Variants in LGR5 observed in about 807,000 individuals in gnomAD.
The protein encoded by LGR5 is leucine rich repeat containing G protein-coupled receptor 5, also known as leucine-rich repeat-containing G protein-coupled receptor 5.
LGR5 carries 54 observed loss-of-function variants against 76.7 expected under a neutral mutation model. The ratio of observed to expected loss-of-function variants is 0.70; its 90% CI spans 0.57 to 0.88. The LOEUF (loss-of-function observed/expected upper bound fraction) is 0.88. Among genes scored for constraint, LGR5 ranks in the 40% least tolerant of loss-of-function variants. LGR5 has a pLI of 0.00. For synonymous variants in LGR5, 406 were observed against 421.9 expected, an observed-to-expected ratio of 0.96 and a Z score of 0.46; for missense variants, 1,078 against 1,073.3, an observed-to-expected ratio of 1.00 and a Z score of -0.06.
intron 2 of LGR5, among the ~76,000 whole-genome samples, chr12:71,519,412 A>T (rs1875614512): frequency 6.6e-6 from 1 of 152,020 alleles, no homozygotes; most frequent in South Asian, 2.1e-4. Context: ...TTGAGTTTTT[A>T]TTTAATGACT....
chr12:71,553,418 C>A, intron 5 of LGR5, 130 bp downstream of exon 5: 1 of 701,452 alleles, frequency 1.4e-6, no homozygotes, highest in East Asian at 2.6e-5. Flanking sequence ...GAGCCCCTCC[C>A]CAAAATGACT....
In LGR5 at chr12:71,439,928, C is replaced by A. The variant is rs1364551887; in HGVS notation, c.-153C>A. 6 of 649,440 alleles carry A rather than the reference C, an allele frequency of 9.2e-6. No homozygotes were observed. The East Asian group carries it at 1.6e-4, about 18-fold the overall frequency. The allele number at this position is 649,440 out of a possible 1,614,324, so 40.2% of individuals were successfully genotyped here. A position where few individuals can be genotyped will look rare whatever the true frequency, so the allele number is the denominator to read the frequency against. The stretch of plus-strand genomic sequence containing the variant: ...TCCCCGCCGCGCTTCTCCTCGCCGC[C>A]CACGCCGTGGGGTCAGGAACGCGGC... On this transcript the variant is annotated 5_prime_UTR_variant, in exon 1 of 18. Transcript: ENST00000266674.
intron 8 of LGR5, among the ~76,000 whole-genome samples, chr12:71,562,488 T>C (rs1304508894): frequency 6.6e-6 from 1 of 152,114 alleles, no homozygotes; most frequent in Non-Finnish European, 1.5e-5. Flanking sequence ...TGCAGGAGGA[T>C]CACTTGAGCT....
chr12:71,467,085 A>G (rs1455740968), intron 1 of LGR5, among the ~76,000 whole-genome samples: 1 of 152,098 alleles, frequency 6.6e-6, no homozygotes, highest in East Asian at 1.9e-4. Flanking sequence ...TAATCCTGAC[A>G]TCAAACCGGT....
intron 17 of LGR5, chr12:71,583,442 C>T (rs960167921): frequency 1.6e-5 from 9 of 577,332 alleles, no homozygotes; most frequent in African/African-American, 3.7e-5. Flanking sequence ...ACAGGAGCAC[C>T]GGGTGTACTC....
chr12:71,569,766 T>A (rs1365740960), intron 11 of LGR5, among the ~76,000 whole-genome samples: 1 of 152,182 alleles, frequency 6.6e-6, no homozygotes, highest in Non-Finnish European at 1.5e-5. Context: ...CTTAAATATT[T>A]AGAACCAGAA....
At chr12:71,446,586 G>C (rs1010081955) in intron 1 of LGR5, among the ~76,000 whole-genome samples, 3 of 152,054 alleles carry the variant, frequency 2.0e-5, no homozygotes, top group Admixed American at 6.6e-5. Context: ...AATATTTTTG[G>C]ATTTCCTTTG....
In LGR5 at chr12:71,517,975, A is replaced by G. The variant is rs527981273; in HGVS notation, c.285-6431A>G. ...CTTCCACACCAAATCCCACCACTTCATGCCACCTCTGCCACTGCTACACTA... is the reference window on the plus strand; with the variant it reads ...CTTCCACACCAAATCCCACCACTTCGTGCCACCTCTGCCACTGCTACACTA... On this transcript the variant is annotated intron_variant, in intron 2 of 17. Coordinates refer to ENST00000266674, the MANE Select transcript of LGR5 (RefSeq NM_003667.4). Among the ~76,000 whole-genome samples, 5 of 151,924 alleles carry G rather than the reference A, an allele frequency of 3.3e-5. No homozygotes were observed. In the East Asian group the frequency reaches 7.7e-4, roughly 23 times the overall value.
At chr12:71,557,802 C>A (rs961472242) in intron 6 of LGR5, among the ~76,000 whole-genome samples, 1 of 152,066 alleles carries the variant, frequency 6.6e-6, no homozygotes, top group Non-Finnish European at 1.5e-5. Flanking sequence ...CCATCCCTAC[C>A]CTCACATTTT....
intron 1 of LGR5, 131 bp from the exon 2 acceptor site, chr12:71,504,483 T>C (rs554480645): frequency 4.4e-5 from 34 of 768,960 alleles, no homozygotes; most frequent in South Asian, 3.4e-4. Flanking sequence ...AGATGTAGAA[T>C]AGCAATTCAT....
intron 1 of LGR5, among the ~76,000 whole-genome samples, chr12:71,472,368 G>A (rs1049446754): frequency 6.6e-6 from 1 of 152,074 alleles, no homozygotes. Flanking sequence ...GATGCAAAAG[G>A]TAACTTGCTC....
At chr12:71,535,056 T>A in intron 3 of LGR5, 59 bp from the exon 4 acceptor site, 2 of 1,144,802 alleles carry the variant, frequency 1.7e-6, no homozygotes, top group Non-Finnish European at 2.6e-6. Flanking sequence ...CCTGGCCTTG[T>A]TTAGGCCTGT....
At chr12:71,479,754 C>T (rs1873502442) in intron 1 of LGR5, among the ~76,000 whole-genome samples, 3 of 151,938 alleles carry the variant, frequency 2.0e-5, no homozygotes, top group Non-Finnish European at 4.4e-5. Context: ...ACAGAAAAAT[C>T]CCTGAGAAAG....
chr12:71,560,779 C>T (rs1028149318), intron 7 of LGR5, among the ~76,000 whole-genome samples: 1 of 152,108 alleles, frequency 6.6e-6, no homozygotes, highest in African/African-American at 2.4e-5. Flanking sequence ...GGAGACAGAA[C>T]AAGATTCTGT....
chr12:71,540,488 C>A (rs1876822184), intron 4 of LGR5, among the ~76,000 whole-genome samples: 2 of 152,156 alleles, frequency 1.3e-5, no homozygotes, highest in Admixed American at 6.5e-5. Context: ...ATAATTTCTG[C>A]CTGGCACACC....
intron 3 of LGR5, among the ~76,000 whole-genome samples, chr12:71,527,558 G>A (rs1308294660): frequency 6.6e-6 from 1 of 152,186 alleles, no homozygotes; most frequent in East Asian, 1.9e-4. Context: ...TATTTCATAT[G>A]ATTGTACTCC....
intron 16 of LGR5, 124 bp downstream of exon 16, chr12:71,580,547 AC>A: frequency 1.0e-6 from 1 of 968,758 alleles, no homozygotes; most frequent in Non-Finnish European, 1.5e-6. Context: ...TGTAATCCCA[AC>A]AGTTTGGGAG....
At chr12:71,448,333 G>A (rs1348048124) in intron 1 of LGR5, 2 of 152,106 alleles carry the variant, frequency 1.3e-5, no homozygotes, top group South Asian at 4.2e-4. Context: ...TACTTCTCAG[G>A]AAAGTAGAAA....
In LGR5 at chr12:71,473,158, C is replaced by T. The variant is rs532858359; in HGVS notation, c.213-31456C>T. ...TACAATCTAGTCTGAAAGATTTTAA[C>T]GGTGGCCATGTCTTACAGGATCTTA... On this transcript the variant is annotated intron_variant, in intron 1 of 17. Transcript: ENST00000266674. Among the ~76,000 whole-genome samples, 24 of 152,200 alleles carry T rather than the reference C, an allele frequency of 1.6e-4. 1 individual carries two copies. Among genetic ancestry groups the T allele is most frequent in the South Asian group, 8.3e-4 (4 of 4,822 alleles).
Sources: allele counts gnomAD v4.1 joint callset (sites outside exome capture counted in the v4.1 genomes callset), GRCh38; gene constraint gnomAD v4.1.1; transcripts MANE v1.5; gene names NCBI Gene and HGNC (gene_info 2026-07-23, HGNC 2026-07-21).